The following PCDHGA2 variants were observed in gnomAD, a reference collection of about 807,000 sequenced individuals.
PCDHGA2 encodes the protein protocadherin gamma subfamily A, 2, also known as protocadherin gamma-A2.
Under a neutral mutation model 59.2 loss-of-function variants are expected in PCDHGA2, and 40 were observed. The ratio of observed to expected loss-of-function variants is 0.68; its 90% CI spans 0.52 to 0.88. The LOEUF is 0.88. Among genes scored for constraint, PCDHGA2 ranks in the 40% least tolerant of loss-of-function variants. PCDHGA2 has a pLI of 0.00. For missense variants in PCDHGA2, 1,226 were observed against 1,204.0 expected, an observed-to-expected ratio of 1.02 and a Z score of -0.27; for synonymous variants, 560 against 526.0, an observed-to-expected ratio of 1.06 and a Z score of -0.89.
chr5:141,361,424 C>G, intron 1 of PCDHGA2: 1 of 1,614,030 alleles, frequency 6.2e-7, no homozygotes, highest in Non-Finnish European at 8.5e-7. Context: ...GGGGGCAAGC[C>G]GCCCCTCTCC....
chr5:141,364,466 G>C (rs1391136210), intron 1 of PCDHGA2: 2 of 1,613,872 alleles, frequency 1.2e-6, no homozygotes, highest in Non-Finnish European at 8.5e-7. Flanking sequence ...CTCCTTCGTC[G>C]GCAACATAGC....
At chr5:141,474,002 G>A (rs1020912365) in intron 1 of PCDHGA2, among the ~76,000 whole-genome samples, 5 of 152,078 alleles carry the variant, frequency 3.3e-5, no homozygotes, top group Non-Finnish European at 5.9e-5. Context: ...CCAAGGAGCT[G>A]GAAGTTACAG....
chr5:141,387,767 T>C, intron 1 of PCDHGA2: 5 of 1,435,258 alleles, frequency 3.5e-6, no homozygotes, highest in Non-Finnish European at 4.6e-6. Context: ...AAGAAGAATT[T>C]TTTCTTGAAC....
intron 1 of PCDHGA2, chr5:141,413,488 C>T (rs2095648022): frequency 3.1e-6 from 5 of 1,613,868 alleles, no homozygotes; most frequent in Non-Finnish European, 3.4e-6. Context: ...TCAGAGCGCG[C>T]GGTGCGTGGT....
chr5:141,479,057 T>A (rs2099487107), intron 1 of PCDHGA2, among the ~76,000 whole-genome samples: 1 of 152,234 alleles, frequency 6.6e-6, no homozygotes, highest in East Asian at 1.9e-4. Context: ...TCTCAGATAA[T>A]TTTTTATGAA....
chr5:141,421,749 C>T, intron 1 of PCDHGA2: 1 of 1,613,918 alleles, frequency 6.2e-7, no homozygotes, highest in Non-Finnish European at 8.5e-7. Flanking sequence ...ACCAGCTCAG[C>T]CCTAATAATT....
Position 141,476,525 on chromosome 5 carries a change from A to T in PCDHGA2, c.2425-18282A>T, listed in dbSNP as rs766638463. On this transcript the variant is annotated intron_variant, in intron 1 of 3. Coordinates refer to ENST00000394576, the MANE Select transcript of PCDHGA2 (RefSeq NM_018915.4). This position sits in a 1 kb window ranked among gnomAD's most constrained non-coding sequence, Gnocchi z 7.6. ...CAACGACAACAATCCTGCTTTCCCTACCCAGGAAATGAAATTGGAGATTAG... is the reference window on the plus strand; with the variant it reads ...CAACGACAACAATCCTGCTTTCCCTTCCCAGGAAATGAAATTGGAGATTAG... The T allele has an allele frequency of 6.2e-7, 1 of 1,614,068 alleles. No homozygotes were observed. The highest frequency in any genetic ancestry group is 2.2e-5 in the East Asian group (1 of 44,854).
At position 141,460,491 on chromosome 5, in the gene PCDHGA2, A is replaced by G. The variant is rs544539917; in HGVS notation, c.2425-34316A>G. Among the ~76,000 whole-genome samples, 240 of 152,272 alleles carry G rather than the reference A, an allele frequency of 1.6e-3. 1 individual carries two copies. Among genetic ancestry groups the G allele is most frequent in the Non-Finnish European group, 2.6e-3 (177 of 68,014 alleles). On this transcript the variant is annotated intron_variant, in intron 1 of 3. Transcript: ENST00000394576. ...AAGGAATATCCAATTGTCTCTTTGG[A>G]AAAATATGCTGAGAAGGCTATCTTT...
chr5:141,458,249 GCT>G (rs1291613361), intron 1 of PCDHGA2, among the ~76,000 whole-genome samples: 1 of 152,136 alleles, frequency 6.6e-6, no homozygotes, highest in African/African-American at 2.4e-5. Flanking sequence ...AAATGATACG[GCT>G]CTGATGAGTG....
chr5:141,481,730 G>A (rs778885944), intron 1 of PCDHGA2, among the ~76,000 whole-genome samples: 1 of 151,952 alleles, frequency 6.6e-6, no homozygotes, highest in African/African-American at 2.4e-5. Context: ...GAGGCGGGCG[G>A]ATCACGAGGT....
chr5:141,372,171 G>T, intron 1 of PCDHGA2: 1 of 1,613,744 alleles, frequency 6.2e-7, no homozygotes, highest in Non-Finnish European at 8.5e-7. Flanking sequence ...CAAGGTGGTG[G>T]CGGTGGACGC....
chr5:141,406,662 AT>A (rs2094837131), intron 1 of PCDHGA2, among the ~76,000 whole-genome samples: 1 of 152,208 alleles, frequency 6.6e-6, no homozygotes, highest in African/African-American at 2.4e-5. Flanking sequence ...TTAATGTTAA[AT>A]TATGGAGAAT....
Position 141,490,440 on chromosome 5 carries a change from T to G in PCDHGA2, c.2425-4367T>G, listed in dbSNP as rs560525159. The G allele has an allele frequency of 6.2e-7, 1 of 1,614,206 alleles. No individual in the cohort carries two copies. The highest frequency in any genetic ancestry group is 1.7e-5 in the Admixed American group (1 of 60,026). On this transcript the variant is annotated intron_variant, in intron 1 of 3. Transcript: ENST00000394576. This position sits in a 1 kb window ranked among gnomAD's most constrained non-coding sequence, Gnocchi z 5.4. ...ACCTGCCATTTCAGATTAAGCCTTCTGAGAACCACTACTCGCTGCTAACCA... is the reference window on the plus strand; with the variant it reads ...ACCTGCCATTTCAGATTAAGCCTTCGGAGAACCACTACTCGCTGCTAACCA...
At chr5:141,374,556 A>G in intron 1 of PCDHGA2, 3 of 1,613,690 alleles carry the variant, frequency 1.9e-6, no homozygotes, top group Non-Finnish European at 1.7e-6. Context: ...ATGGAGGTCT[A>G]TGACCCTGAT....
chr5:141,421,593 G>A lies in PCDHGA2; in HGVS notation c.2425-73214G>A, dbSNP rs780085355. ...CCTTGAAGATTTACGGAGTGGAGGTGGAAATAATAGATATTAATGATAACG... is the reference window on the plus strand; with the variant it reads ...CCTTGAAGATTTACGGAGTGGAGGTAGAAATAATAGATATTAATGATAACG... On this transcript the variant is annotated intron_variant, in intron 1 of 3. Coordinates refer to ENST00000394576, the MANE Select transcript of PCDHGA2 (RefSeq NM_018915.4). 6 of 1,613,840 alleles carry A rather than the reference G, an allele frequency of 3.7e-6. No individual in the cohort carries two copies. In the East Asian group the frequency reaches 1.1e-4, roughly 30 times the overall value.
chr5:141,344,619 C>A, intron 1 of PCDHGA2: 8 of 1,613,962 alleles, frequency 5.0e-6, no homozygotes, highest in Non-Finnish European at 6.8e-6. Context: ...AGAGCTGGTG[C>A]TGGAGCGGGC....
At chr5:141,342,128 C>T (rs533480389) in intron 1 of PCDHGA2, 2 of 152,030 alleles carry the variant, frequency 1.3e-5, no homozygotes, top group African/African-American at 2.4e-5. Context: ...TTATCTTTCT[C>T]ATACGTGGGA....
In PCDHGA2 at chr5:141,374,581, C is replaced by A; in HGVS notation, c.2424+33186C>A. On this transcript the variant is annotated intron_variant, in intron 1 of 3. Transcript: ENST00000394576. ...ATGACCCTGATGTGGGAATGAACTC[C>A]CTTCAGGGATTTAAGCTCAGTGGTA... The A allele has an allele frequency of 1.9e-6, 3 of 1,613,660 alleles. No homozygotes were observed. In the East Asian group the frequency reaches 6.7e-5, roughly 36 times the overall value.
intron 1 of PCDHGA2, chr5:141,422,258 A>G (rs2096637047): frequency 6.4e-7 from 1 of 1,565,282 alleles, no homozygotes; most frequent in East Asian, 2.2e-5. Flanking sequence ...GTGAATGATA[A>G]CGCTCCAGAA....
Sources: gnomAD v4.1 joint callset for allele counts (sites outside exome capture counted in the v4.1 genomes callset) on GRCh38, gnomAD v4.1.1 for gene constraint, Gnocchi (gnomAD v3.1) non-coding constraint, MANE v1.5 for transcripts, NCBI Gene and HGNC (gene_info 2026-07-23, HGNC 2026-07-21) for gene names.